NRG3: variants seen among roughly 807,000 people sequenced by gnomAD.
The protein encoded by NRG3 is pro-neuregulin-3, membrane-bound isoform.
In NRG3, 31 loss-of-function variants were observed where a neutral mutation model predicts 66.9. The observed-to-expected ratio is 0.46, with a 90% CI of 0.35 to 0.63. NRG3 has a LOEUF of 0.63. Among genes scored for constraint, NRG3 ranks in the 20% least tolerant of loss-of-function variants. The pLI is 0.00. For missense variants in NRG3, 910 were observed against 878.9 expected, an observed-to-expected ratio of 1.04 and a Z score of -0.45; for synonymous variants, 393 against 359.4, an observed-to-expected ratio of 1.09 and a Z score of -1.06.
chr10:82,944,989 A>ACCT (rs1374631918), intron 4 of NRG3, among the ~76,000 whole-genome samples: 1 of 152,174 alleles, frequency 6.6e-6, no homozygotes, highest in African/African-American at 2.4e-5. Context: ...AAGTACTGCA[A>ACCT]GTACCTTTAC....
intron 1 of NRG3, among the ~76,000 whole-genome samples, chr10:82,145,584 TG>T (rs748529514): frequency 4.6e-5 from 7 of 152,198 alleles, no homozygotes; most frequent in Non-Finnish European, 1.0e-4. Context: ...TCTTATCACA[TG>T]GGAACTTTTT....
intron 7 of NRG3, among the ~76,000 whole-genome samples, chr10:82,977,435 C>A (rs1852386275): frequency 6.6e-6 from 1 of 151,896 alleles, no homozygotes. Context: ...ATGGTGAAAC[C>A]TCATCTCTAC....
At chr10:82,052,500 G>A (rs1038356161) in intron 1 of NRG3, among the ~76,000 whole-genome samples, 1 of 152,148 alleles carries the variant, frequency 6.6e-6, no homozygotes, top group Admixed American at 6.5e-5. Flanking sequence ...TTACCTCTGG[G>A]AATCTCAAAG....
intron 4 of NRG3, among the ~76,000 whole-genome samples, chr10:82,917,157 A>T (rs886523439): frequency 7.2e-5 from 11 of 152,184 alleles, no homozygotes; most frequent in African/African-American, 2.7e-4. Flanking sequence ...GGGGGAAGAA[A>T]ATTAAACAGG....
intron 4 of NRG3, among the ~76,000 whole-genome samples, chr10:82,880,044 A>G (rs1842174342): frequency 7.9e-6 from 1 of 126,594 alleles, no homozygotes; most frequent in Non-Finnish European, 1.5e-5. Flanking sequence ...GGCTCCGTTT[A>G]TTGATGAAGC....
At chr10:82,806,423 A>G (rs2061285696) in intron 3 of NRG3, among the ~76,000 whole-genome samples, 1 of 152,172 alleles carries the variant, frequency 6.6e-6, no homozygotes, top group Non-Finnish European at 1.5e-5. Context: ...AATATATACT[A>G]AAGACAAAAA....
At chr10:82,111,538 G>T (rs1047976058) in intron 1 of NRG3, among the ~76,000 whole-genome samples, 2 of 152,110 alleles carry the variant, frequency 1.3e-5, no homozygotes, top group Non-Finnish European at 2.9e-5. Context: ...TTAGATCACT[G>T]GAGAAGGTCC....
At chr10:82,911,926 G>A in intron 4 of NRG3, among the ~76,000 whole-genome samples, 1 of 151,746 alleles carries the variant, frequency 6.6e-6, no homozygotes, top group East Asian at 1.9e-4. Context: ...AAATTTTGAT[G>A]AGTTGTATTT....
chr10:82,814,317 TA>T (rs1285473752), intron 3 of NRG3, among the ~76,000 whole-genome samples: 1 of 152,222 alleles, frequency 6.6e-6, no homozygotes, highest in Non-Finnish European at 1.5e-5. Flanking sequence ...TGGAGAAAGA[TA>T]AAATGATCAT....
Position 82,079,864 on chromosome 10 carries a change from C to A in NRG3, c.823+203701C>A, listed in dbSNP as rs75029600. The stretch of plus-strand genomic sequence containing the variant: ...ATATAGGTATCCTATATCTGGATTC[C>A]GACTGAAGGACATCTTGGTTGCTTC... On this transcript the variant is annotated intron_variant, in intron 1 of 8. Coordinates refer to ENST00000372141, the MANE Select transcript of NRG3 (RefSeq NM_001010848.4). Among the ~76,000 whole-genome samples the A allele has an allele frequency of 3.9e-3, 596 of 152,096 alleles. 8 individuals carry two copies. The South Asian group carries it at 0.043, about 11-fold the overall frequency.
At chr10:82,516,247 C>G (rs1045671742) in intron 2 of NRG3, among the ~76,000 whole-genome samples, 1 of 152,092 alleles carries the variant, frequency 6.6e-6, no homozygotes, top group African/African-American at 2.4e-5. Flanking sequence ...GACATTCTCA[C>G]TCTCCCAGGT....
At chr10:82,418,711 C>T (rs2088818153) in intron 2 of NRG3, among the ~76,000 whole-genome samples, 2 of 152,124 alleles carry the variant, frequency 1.3e-5, no homozygotes, top group Admixed American at 6.6e-5. Context: ...AGCAATCCTG[C>T]CTCCTCAGCC....
At chr10:82,972,093 C>A (rs967242579) in intron 6 of NRG3, among the ~76,000 whole-genome samples, 3 of 152,118 alleles carry the variant, frequency 2.0e-5, no homozygotes, top group African/African-American at 7.2e-5. Context: ...ATTCCTGTCA[C>A]ATTTATTTCC....
intron 2 of NRG3, among the ~76,000 whole-genome samples, chr10:82,367,443 A>G (rs2084607362): frequency 6.6e-6 from 1 of 152,160 alleles, no homozygotes; most frequent in South Asian, 2.1e-4. Flanking sequence ...AGCACTTAGA[A>G]CTTTATCAAA....
intron 1 of NRG3, among the ~76,000 whole-genome samples, chr10:82,012,074 G>A (rs557570349): frequency 9.2e-4 from 140 of 152,302 alleles, no homozygotes; most frequent in African/African-American, 3.3e-3. Context: ...TCTCCGTGAG[G>A]GCCTCGCCCC....
At chr10:82,655,856 T>A (rs1007628006) in intron 2 of NRG3, among the ~76,000 whole-genome samples, 41 of 152,168 alleles carry the variant, frequency 2.7e-4, no homozygotes, top group African/African-American at 9.2e-4. Context: ...GATGTAGATA[T>A]AGGACTAAAC....
intron 3 of NRG3, among the ~76,000 whole-genome samples, chr10:82,803,294 T>C (rs1591571638): frequency 6.6e-6 from 1 of 152,146 alleles, no homozygotes; most frequent in African/African-American, 2.4e-5. Flanking sequence ...GAAGTTTATT[T>C]TGGAAATGTG....
chr10:82,433,757 G>A (rs1169680655), intron 2 of NRG3, among the ~76,000 whole-genome samples: 2 of 152,144 alleles, frequency 1.3e-5, no homozygotes, highest in African/African-American at 4.8e-5. Flanking sequence ...TCAGATGGTT[G>A]TAGATGTGTG....
chr10:82,306,928 T>C (rs2080772009), intron 1 of NRG3, among the ~76,000 whole-genome samples: 1 of 152,080 alleles, frequency 6.6e-6, no homozygotes, highest in Admixed American at 6.5e-5. Context: ...AGTTTTGATA[T>C]CCAGTACCAG....
Sources: gnomAD v4.1 joint callset for allele counts (sites outside exome capture counted in the v4.1 genomes callset) on GRCh38, gnomAD v4.1.1 for gene constraint, MANE v1.5 for transcripts, NCBI Gene and HGNC (gene_info 2026-07-23, HGNC 2026-07-21) for gene names.